The following CREBBP variants were observed in gnomAD, a reference collection of about 807,000 sequenced individuals.
CREBBP encodes the protein CREB-binding protein.
CREBBP carries 19 observed loss-of-function variants against 265.0 expected under a neutral mutation model. The observed-to-expected ratio is 0.07, with a 90% CI of 0.05 to 0.11. The LOEUF (loss-of-function observed/expected upper bound fraction) is 0.11. Ranked by LOEUF, CREBBP falls within the 10% of genes least tolerant of loss-of-function variation. The pLI, the probability that CREBBP is intolerant of heterozygous loss-of-function variation, is 1.00. For missense variants in CREBBP, 2,525 were observed against 3,219.0 expected (o/e 0.78, Z 5.22); for synonymous variants, 1,457 against 1,223.7 (o/e 1.19, Z -3.98).
chr16:3,840,092 T>C (rs531899801), intron 2 of CREBBP, among the ~76,000 whole-genome samples: 4 of 152,328 alleles, frequency 2.6e-5, no homozygotes, highest in South Asian at 2.1e-4. Context: ...TGGCACTACA[T>C]AGTTTCATTC....
rs143768020 is a variant in CREBBP, at chr16:3,849,907, C to T, written c.798+390G>A. Among the ~76,000 whole-genome samples the T allele has an allele frequency of 8.7e-3, 1,322 of 152,148 alleles. 13 individuals carry two copies. The highest frequency in any genetic ancestry group is 0.03 in the African/African-American group (1,238 of 41,504). ...GGAGTGAGCTGACAACCCTGGAACA[C>T]AGCTTTCTCATTCAGTGAAATGGAT... On this transcript the variant is annotated intron_variant, in intron 2 of 30. Coordinates refer to ENST00000262367, the MANE Select transcript of CREBBP (RefSeq NM_004380.3).
Position 3,850,403 on chromosome 16 carries a change from A to G in CREBBP, c.692T>C (p.Met231Thr), listed in dbSNP as rs2054806099. ...CAGCACGCTGCTCGAGGCGCCCTGC[A>G]TGGCTGGAGTAGGGTACGGCATTCC... is the stretch of plus-strand genomic sequence containing the variant. ...GAGMPYPTPA[M>T]QGASSSVLAE... The change falls in exon 2 of 31, where the codon ATG becomes ACG. Residue 231 changes from methionine to threonine, a missense_variant. Met to Thr is a moderately conservative substitution (Grantham distance 81, BLOSUM62 -1). Around this residue, in one of 19 missense-constraint regions of CREBBP, gnomAD observed 356 missense variants for 340.4 expected, o/e 1.05. Transcript: ENST00000262367. 1 of 1,614,216 alleles carries G rather than the reference A, an allele frequency of 6.2e-7. No individual in the cohort carries two copies. Among genetic ancestry groups the G allele is most frequent in the Non-Finnish European group, 8.5e-7 (1 of 1,180,034 alleles).
intron 2 of CREBBP, among the ~76,000 whole-genome samples, chr16:3,843,207 C>T (rs1256530568): frequency 6.6e-6 from 1 of 152,142 alleles, no homozygotes; most frequent in Non-Finnish European, 1.5e-5. Context: ...CTGGTTCTGC[C>T]ACTCACTGGC....
chr16:3,858,624 T>A (rs563135931), intron 1 of CREBBP, among the ~76,000 whole-genome samples: 4 of 152,352 alleles, frequency 2.6e-5, no homozygotes, highest in Admixed American at 6.5e-5. Context: ...GCTCACATTA[T>A]AGAGGATACA....
rs1464234725 is a variant in CREBBP, at chr16:3,770,662, G to A, written c.2788C>T (p.Pro930Ser). The A allele has an allele frequency of 1.2e-6, 2 of 1,614,016 alleles. No homozygotes were observed. Among genetic ancestry groups the A allele is most frequent in the Admixed American group, 1.7e-5 (1 of 60,020 alleles). The change falls in exon 14 of 31, where the codon CCT becomes TCT. Residue 930 changes from proline to serine, a missense_variant. By Grantham distance (74) the Pro-to-Ser change is moderately conservative. Around this residue, in one of 19 missense-constraint regions of CREBBP, gnomAD observed 548 missense variants for 533.0 expected, o/e 1.03. Transcript: ENST00000262367. Reference sequence around the variant, plus strand: ...GACGGGGGCTGAACTGGGGTTTGAGGCTGCGGGGTCACCTGGGCCTGGGCT... The same window carrying A: ...GACGGGGGCTGAACTGGGGTTTGAGACTGCGGGGTCACCTGGGCCTGGGCT... ...AAAQAQVTPQ[P>S]QTPVQPPSVA...
chr16:3,764,250 G>A (rs2052793376), intron 16 of CREBBP, among the ~76,000 whole-genome samples: 1 of 151,854 alleles, frequency 6.6e-6, no homozygotes, highest in African/African-American at 2.4e-5. Flanking sequence ...TGGATTATAG[G>A]CATGAGCCAC....
chr16:3,834,262 C>G (rs760998021), intron 2 of CREBBP, among the ~76,000 whole-genome samples: 2 of 152,192 alleles, frequency 1.3e-5, no homozygotes, highest in Non-Finnish European at 2.9e-5. Flanking sequence ...ATTGTGCTCA[C>G]TGGTATTTAC....
In CREBBP at chr16:3,767,856, T is replaced by C. The variant is rs1300594483; in HGVS notation, c.3114A>G (p.Ile1038Met). The change falls in exon 16 of 31, where the codon ATA becomes ATG. Residue 1038 changes from isoleucine to methionine, a missense_variant. Transcript: ENST00000262367. Reference protein sequence around the residue: ...GASQVKEETDIAEQKSEPMEV... With the variant: ...GASQVKEETDMAEQKSEPMEV... ...CCATTGGTTCTGATTTCTGCTCTGC[T>C]ATGTCTGTTTCTTCTTTAACTTGGG... The C allele has an allele frequency of 1.9e-6, 3 of 1,614,234 alleles. No individual in the cohort carries two copies. The highest frequency in any genetic ancestry group is 2.5e-6 in the Non-Finnish European group (3 of 1,180,040).
At chr16:3,841,854 A>G (rs1453942188) in intron 2 of CREBBP, among the ~76,000 whole-genome samples, 2 of 152,176 alleles carry the variant, frequency 1.3e-5, no homozygotes, top group Admixed American at 1.3e-4. Context: ...CTCAGGTCCC[A>G]ACCAAAATCT....
intron 2 of CREBBP, among the ~76,000 whole-genome samples, chr16:3,818,446 T>C (rs2054081271): frequency 6.6e-6 from 1 of 151,912 alleles, no homozygotes; most frequent in African/African-American, 2.4e-5. Context: ...TAGCTGGGAC[T>C]ACAGGCGCGT....
At chr16:3,763,254 C>G (rs1331983114) in intron 16 of CREBBP, among the ~76,000 whole-genome samples, 2 of 151,704 alleles carry the variant, frequency 1.3e-5, no homozygotes, top group Non-Finnish European at 2.9e-5. Context: ...CTCCTAGGCT[C>G]AAGCAACCCT....
intron 2 of CREBBP, among the ~76,000 whole-genome samples, chr16:3,849,444 TGTGTGTGTGTG>T (rs2054766484): frequency 1.2e-4 from 3 of 24,836 alleles, no homozygotes; most frequent in Admixed American, 4.9e-4. Context: ...TGTGTGTGTG[TGTGTGTGTGTG>T]TGTGTGTGTG....
At chr16:3,788,371 A>G (rs1428192937) in intron 5 of CREBBP, among the ~76,000 whole-genome samples, 3 of 152,196 alleles carry the variant, frequency 2.0e-5, no homozygotes, top group African/African-American at 7.2e-5. Context: ...TTTATTGCTT[A>G]CAACCTGGGA....
rs140751194 is a variant in CREBBP at position 3,783,782 on chromosome 16, C to G, written c.1331-856G>C. ...CTGGCAGGGAAGCTGCCCCATCCAG[C>G]TAGCTAACCCCAGGAGACTAAAGGA... On this transcript the variant is annotated intron_variant, in intron 5 of 30. Coordinates refer to ENST00000262367, the MANE Select transcript of CREBBP (RefSeq NM_004380.3). Among the ~76,000 whole-genome samples, 174 of 152,338 alleles carry G rather than the reference C, an allele frequency of 1.1e-3. No homozygotes were observed. In the East Asian group the frequency reaches 0.021, roughly 18 times the overall value.
At chr16:3,841,656 T>C (rs1375451047) in intron 2 of CREBBP, among the ~76,000 whole-genome samples, 1 of 151,980 alleles carries the variant, frequency 6.6e-6, no homozygotes, top group East Asian at 1.9e-4. Context: ...AAATAAATAA[T>C]ATTAGAGATT....
At chr16:3,866,256 T>A (rs2055177398) in intron 1 of CREBBP, among the ~76,000 whole-genome samples, 1 of 152,210 alleles carries the variant, frequency 6.6e-6, no homozygotes, top group South Asian at 2.1e-4. Flanking sequence ...TGACATTATT[T>A]CAAAATACTC....
chr16:3,735,948 A>C, intron 28 of CREBBP, 88 bp downstream of exon 28: 1 of 1,608,954 alleles, frequency 6.2e-7, no homozygotes, highest in Admixed American at 1.7e-5. Flanking sequence ...CACAGGAAGG[A>C]CCTAACAGTC....
At chr16:3,745,748 A>T (rs1157628224) in intron 21 of CREBBP, 2 of 345,060 alleles carry the variant, frequency 5.8e-6, no homozygotes, top group Non-Finnish European at 1.1e-5. Context: ...AAAATAGAGA[A>T]CAATACTTTG....
At chr16:3,797,269 C>T (rs1413962738) in intron 3 of CREBBP, among the ~76,000 whole-genome samples, 1 of 152,088 alleles carries the variant, frequency 6.6e-6, no homozygotes, top group African/African-American at 2.4e-5. Flanking sequence ...TTTTGAAAAA[C>T]AGTAAAAATA....
Sources: allele counts gnomAD v4.1 joint callset (sites outside exome capture counted in the v4.1 genomes callset), GRCh38; gene constraint gnomAD v4.1.1; regional missense constraint gnomAD v4.1.1; transcripts MANE v1.5; gene names NCBI Gene and HGNC (gene_info 2026-07-23, HGNC 2026-07-21).